Variants in COL18A1 observed in about 807,000 individuals in gnomAD.
COL18A1 encodes the protein collagen alpha-1(XVIII) chain.
A neutral mutation model predicts 168.0 loss-of-function variants in COL18A1; 133 were observed. The observed-to-expected ratio is 0.79, with a 90% confidence interval of 0.69 to 0.91. The LOEUF is 0.91. Among genes scored for constraint, COL18A1 ranks in the 40% least tolerant of loss-of-function variants. COL18A1 has a pLI of 0.00. For missense variants in COL18A1, 2,126 were observed against 1,925.4 expected (o/e 1.10, Z -1.95); for synonymous variants, 949 against 809.0 (o/e 1.17, Z -2.94).
chr21:45,418,686 G>A lies in COL18A1; in HGVS notation c.106+13213G>A, dbSNP rs1463587997. On this transcript the variant is annotated intron_variant, in intron 2 of 41. Transcript: ENST00000651438. ...TCTCTTCCTGGGGTCTCAGGGAAGCGGCACCTCCTCAGGGGCCTCCCAGCC... is the reference window on the plus strand; with the variant it reads ...TCTCTTCCTGGGGTCTCAGGGAAGCAGCACCTCCTCAGGGGCCTCCCAGCC... 2.0e-5 allele frequency among the ~76,000 whole-genome samples: 3 copies of A among 150,346 alleles called. No homozygotes were observed. The South Asian group carries it at 6.3e-4, about 32-fold the overall frequency.
chr21:45,437,984 TCAGA>T lies in COL18A1; in HGVS notation c.107-30255_107-30252del, dbSNP rs1177741449. On this transcript the variant is annotated intron_variant, in intron 2 of 41. Transcript: ENST00000651438. ...CTCCTGCACACACACACTCACACAC[TCAGA>T]CACACAGGCACTCTCCTGCACACAC... Among the ~76,000 whole-genome samples the T allele has an allele frequency of 4.0e-4, 7 of 17,332 alleles. 1 individual carries two copies. The highest frequency in any genetic ancestry group is 1.0e-3 in the African/African-American group (2 of 1,914). 11.4% of individuals were successfully genotyped at this position (17,332 alleles called of 152,430 possible).
At chr21:45,511,906 G>A (rs2037633237) in intron 41 of COL18A1, among the ~76,000 whole-genome samples, 1 of 152,220 alleles carries the variant, frequency 6.6e-6, no homozygotes, top group Admixed American at 6.5e-5. Flanking sequence ...TGCTCAGCAG[G>A]CATGAGGGCC....
chr21:45,444,785 G>C (rs1218767167), intron 2 of COL18A1, among the ~76,000 whole-genome samples: 1 of 152,164 alleles, frequency 6.6e-6, no homozygotes, highest in Admixed American at 6.5e-5. Flanking sequence ...CCATACCCTA[G>C]TTTTTAAAAG....
intron 32 of COL18A1, among the ~76,000 whole-genome samples, chr21:45,500,277 TAGTGGG>T (rs2036713226): frequency 6.0e-5 from 2 of 33,074 alleles, no homozygotes; most frequent in Non-Finnish European, 5.3e-5. Context: ...GTTGGGTGTG[TAGTGGG>T]GGTGTGTGGA....
At chr21:45,482,163 C>T (rs758140864) in intron 14 of COL18A1, 138 bp downstream of exon 14, 21 of 705,852 alleles carry the variant, frequency 3.0e-5, no homozygotes, top group African/African-American at 5.3e-5. Context: ...CCTGGGGCCT[C>T]GCGCTCTGGA....
chr21:45,436,339 A>C (rs2034094596), intron 2 of COL18A1, among the ~76,000 whole-genome samples: 1 of 152,200 alleles, frequency 6.6e-6, no homozygotes, highest in African/African-American at 2.4e-5. Context: ...GGGCCCATCC[A>C]GCGTGTGCAG....
intron 38 of COL18A1, 120 bp downstream of exon 38, chr21:45,507,713 C>A: frequency 1.1e-6 from 1 of 927,416 alleles, no homozygotes; most frequent in Non-Finnish European, 1.7e-6. Context: ...ACATGTGGCT[C>A]ACCATCAGCC....
chr21:45,443,969 G>A lies in COL18A1; in HGVS notation c.107-24273G>A, dbSNP rs1313896670. On this transcript the variant is annotated intron_variant, in intron 2 of 41. Transcript: ENST00000651438. This position sits in a 1 kb window ranked among gnomAD's most constrained non-coding sequence, Gnocchi z 5.2. Reference sequence around the variant, plus strand: ...TTGGGTGGCCAGGATGTCACAGGGCGAGTAGGTGTCTGGCCCTACCACTGG... The same window carrying A: ...TTGGGTGGCCAGGATGTCACAGGGCAAGTAGGTGTCTGGCCCTACCACTGG... Among the ~76,000 whole-genome samples the A allele has an allele frequency of 6.6e-6, 1 of 152,174 alleles. No individual in the cohort carries two copies. The highest frequency in any genetic ancestry group is 1.5e-5 in the Non-Finnish European group (1 of 68,022).
At chr21:45,500,125 G>C (rs1343938904) in intron 32 of COL18A1, among the ~76,000 whole-genome samples, 1 of 150,980 alleles carries the variant, frequency 6.6e-6, no homozygotes, top group East Asian at 1.9e-4. Context: ...TGCAGTGTGG[G>C]GGTGTGGGTG....
Position 45,473,488 on chromosome 21 carries a change from G to A in COL18A1, c.652-407G>A, listed in dbSNP as rs1231197206. On this transcript the variant is annotated intron_variant, in intron 3 of 41. Coordinates refer to ENST00000651438, the MANE Select transcript of COL18A1 (RefSeq NM_001379500.1). This position sits in a 1 kb window ranked among gnomAD's most constrained non-coding sequence, Gnocchi z 4.0. ...TTGGTCCGAGTCGGGAGATGAGGCCGCCTGGTGCTTGCGTAAAGCTCCCGG... is the reference window on the plus strand; with the variant it reads ...TTGGTCCGAGTCGGGAGATGAGGCCACCTGGTGCTTGCGTAAAGCTCCCGG... 2.0e-5 allele frequency among the ~76,000 whole-genome samples: 3 copies of A among 152,282 alleles called. No homozygotes were observed. The highest frequency in any genetic ancestry group is 4.4e-5 in the Non-Finnish European group (3 of 68,024).
intron 20 of COL18A1, among the ~76,000 whole-genome samples, 175 bp downstream of exon 20, chr21:45,490,521 C>CGTGGGTTCCTGGGTCTCCGTGTG (rs1568921705): frequency 3.0e-4 from 21 of 69,786 alleles, no homozygotes; most frequent in African/African-American, 1.0e-3. Context: ...CGTGTGCCCA[C>CGTGGGTTCCTGGGTCTCCGTGTG]TCCCGGGTCT....
intron 2 of COL18A1, among the ~76,000 whole-genome samples, chr21:45,450,897 A>C (rs2034605477): frequency 6.6e-6 from 1 of 152,194 alleles, no homozygotes; most frequent in Admixed American, 6.5e-5. Flanking sequence ...GGCTGTGCGG[A>C]CACCAGAGGC....
At position 45,475,932 on chromosome 21, in the gene COL18A1, G is replaced by T. The variant is rs138913418; in HGVS notation, c.798+397G>T. Among the ~76,000 whole-genome samples the T allele has an allele frequency of 2.1e-4, 32 of 152,376 alleles. 1 individual carries two copies. Among genetic ancestry groups the T allele is most frequent in the African/African-American group, 7.7e-4 (32 of 41,596 alleles). On this transcript the variant is annotated intron_variant, in intron 5 of 41. Coordinates refer to ENST00000651438, the MANE Select transcript of COL18A1 (RefSeq NM_001379500.1). ...AGGCGGCGCAGGGAGCGCGCGGAAG[G>T]CTTTCCCCAGCTCGGGCCACCTGAG...
chr21:45,495,333 C>A (rs930844294), intron 28 of COL18A1, 25 bp from the exon 29 acceptor site: 1 of 1,587,656 alleles, frequency 6.3e-7, no homozygotes, highest in Non-Finnish European at 8.6e-7. Flanking sequence ...GCCCAGCAGT[C>A]CCCACCCCCT....
At chr21:45,497,552 T>A in intron 31 of COL18A1, 47 bp from the exon 32 acceptor site, 1 of 1,549,874 alleles carries the variant, frequency 6.5e-7, no homozygotes, top group South Asian at 1.2e-5. Flanking sequence ...CACCCTGGAG[T>A]CCTCCCTGGC....
chr21:45,427,883 C>T (rs1482651138), intron 2 of COL18A1, among the ~76,000 whole-genome samples: 2 of 152,178 alleles, frequency 1.3e-5, no homozygotes, highest in African/African-American at 4.8e-5. Context: ...GACTAATGAG[C>T]CCAGGTGACT....
In COL18A1 at chr21:45,476,590, G is replaced by A. The variant is rs1280829890; in HGVS notation, c.928+110G>A. 3.7e-6 allele frequency: 5 copies of A among 1,356,254 alleles called. No individual in the cohort carries two copies. In the African/African-American group the frequency reaches 5.8e-5, roughly 16 times the overall value. The allele number at this position is 1,356,254 out of a possible 1,614,324, so 84.0% of individuals were successfully genotyped here. A position where few individuals can be genotyped will look rare whatever the true frequency, so the allele number is the denominator to read the frequency against. On this transcript the variant is annotated intron_variant, in intron 6 of 41. Coordinates refer to ENST00000651438, the MANE Select transcript of COL18A1 (RefSeq NM_001379500.1). ...GTGTGATGTATGGTGTGTGTAGTGT[G>A]TGGTGTATATGGTACATGTGTGTGT... is the stretch of plus-strand genomic sequence containing the variant.
chr21:45,509,048 CTGAAT>C (rs1398087827), intron 38 of COL18A1, among the ~76,000 whole-genome samples: 1 of 152,110 alleles, frequency 6.6e-6, no homozygotes, highest in Non-Finnish European at 1.5e-5. Context: ...GTCAGGGGCC[CTGAAT>C]TGGAGCCGCG....
At chr21:45,428,209 C>T (rs891174350) in intron 2 of COL18A1, among the ~76,000 whole-genome samples, 6 of 152,242 alleles carry the variant, frequency 3.9e-5, no homozygotes, top group South Asian at 2.1e-4. Context: ...GTTTGAGGAG[C>T]GTGTGGTGAG....
Sources: gnomAD v4.1 joint callset for allele counts (sites outside exome capture counted in the v4.1 genomes callset) on GRCh38, gnomAD v4.1.1 for gene constraint, Gnocchi (gnomAD v3.1) non-coding constraint, MANE v1.5 for transcripts, NCBI Gene and HGNC (gene_info 2026-07-23, HGNC 2026-07-21) for gene names.